KCNK2: variants seen among roughly 807,000 people sequenced by gnomAD.
KCNK2 encodes potassium two pore domain channel subfamily K member 2.
KCNK2 carries 21 observed loss-of-function variants against 40.5 expected under a neutral mutation model. The ratio of observed to expected loss-of-function variants is 0.52; its 90% confidence interval spans 0.37 to 0.75. The LOEUF (loss-of-function observed/expected upper bound fraction) is 0.75, where lower values mean the gene tolerates loss of function less well. KCNK2 is among the 30% of genes least tolerant of loss of function. The pLI is 0.00. For missense variants in KCNK2, 399 were observed against 531.6 expected (o/e 0.75, Z 2.45); for synonymous variants, 191 against 202.2 (o/e 0.94, Z 0.47).
chr1:215,190,131 A>T (rs1417217084), intron 5 of KCNK2, among the ~76,000 whole-genome samples: 1 of 152,182 alleles, frequency 6.6e-6, no homozygotes, highest in African/African-American at 2.4e-5. Context: ...ATATTTTGTT[A>T]TTCAGAAAAA....
chr1:215,066,567 G>T (rs775643817), intron 1 of KCNK2, among the ~76,000 whole-genome samples: 3 of 152,114 alleles, frequency 2.0e-5, no homozygotes, highest in Non-Finnish European at 2.9e-5. Context: ...GCTGTTTTTG[G>T]TGTGGCTCTT....
intron 1 of KCNK2, among the ~76,000 whole-genome samples, chr1:215,014,671 C>T (rs1240844770): frequency 6.6e-6 from 1 of 151,928 alleles, no homozygotes; most frequent in Admixed American, 6.6e-5. Flanking sequence ...ATTAAGAAAC[C>T]ACATCCAGCC....
At chr1:215,179,470 AT>A (rs1664136793) in intron 5 of KCNK2, among the ~76,000 whole-genome samples, 1 of 151,822 alleles carries the variant, frequency 6.6e-6, no homozygotes, top group South Asian at 2.1e-4. Flanking sequence ...TAGATCTTTA[AT>A]TTGAGATCTT....
intron 3 of KCNK2, 102 bp from the exon 4 acceptor site, chr1:215,169,097 A>G (rs754828118): frequency 2.5e-5 from 20 of 802,812 alleles, no homozygotes; most frequent in Non-Finnish European, 3.5e-5. Flanking sequence ...GTCAAAATCA[A>G]TTATTGATAT....
chr1:215,222,942 T>G (rs975710121), intron 6 of KCNK2, among the ~76,000 whole-genome samples: 3 of 152,132 alleles, frequency 2.0e-5, no homozygotes, highest in Non-Finnish European at 2.9e-5. Flanking sequence ...GGGATGTTTT[T>G]AACTCAGCTA....
rs548659450 is a variant in KCNK2 at position 215,069,193 on chromosome 1, C to T, written c.35-17175C>T. Reference sequence around the variant, plus strand: ...ACACCCAGTGTAGCCTTGTGAACACCCCTACTGTCTCCCTTTCTAACTGAA... The same window carrying T: ...ACACCCAGTGTAGCCTTGTGAACACTCCTACTGTCTCCCTTTCTAACTGAA... On this transcript the variant is annotated intron_variant, in intron 1 of 6. Coordinates refer to the KCNK2 transcript ENST00000391895. Among the ~76,000 whole-genome samples the T allele has an allele frequency of 3.3e-5, 5 of 152,142 alleles. No homozygotes were observed. In the East Asian group the frequency reaches 9.7e-4, roughly 29 times the overall value.
intron 5 of KCNK2, among the ~76,000 whole-genome samples, chr1:215,188,413 A>G (rs1205148044): frequency 6.6e-6 from 1 of 152,190 alleles, no homozygotes; most frequent in Non-Finnish European, 1.5e-5. Flanking sequence ...TTAAGGATTC[A>G]GTCTTCTTGG....
intron 6 of KCNK2, among the ~76,000 whole-genome samples, chr1:215,207,595 G>C (rs142632396): frequency 6.6e-6 from 1 of 152,142 alleles, no homozygotes; most frequent in Non-Finnish European, 1.5e-5. Flanking sequence ...ATGTCTGTGA[G>C]TAAACAAGCA....
intron 2 of KCNK2, among the ~76,000 whole-genome samples, chr1:215,095,363 A>G (rs931502886): frequency 6.6e-6 from 1 of 152,120 alleles, no homozygotes. Flanking sequence ...GCAATAATAG[A>G]TACCCAATAA....
intron 1 of KCNK2, among the ~76,000 whole-genome samples, chr1:215,022,882 A>G (rs1656856473): frequency 6.6e-6 from 1 of 152,254 alleles, no homozygotes; most frequent in Non-Finnish European, 1.5e-5. Flanking sequence ...TTTTAAAGTG[A>G]AAGTCAGTGA....
intron 1 of KCNK2, among the ~76,000 whole-genome samples, chr1:215,086,129 GT>G (rs753300969): frequency 1.3e-5 from 2 of 152,030 alleles, no homozygotes; most frequent in Non-Finnish European, 2.9e-5. Flanking sequence ...TTCGACTCCA[GT>G]TTTTTTCCTC....
In KCNK2 at chr1:215,207,262, AG is replaced by A. The variant is rs1381629427; in HGVS notation, c.963+12171del. Among the ~76,000 whole-genome samples the A allele has an allele frequency of 5.3e-5, 8 of 152,286 alleles. No individual in the cohort carries two copies. In the South Asian group the frequency reaches 1.7e-3, roughly 32 times the overall value. ...TACTGCCTGAGCTCTGCCTCCAGTC[AG>A]ATCAGTGGCGGCATTAGATTCTCAT... On this transcript the variant is annotated intron_variant, in intron 6 of 6. Coordinates refer to ENST00000444842, the MANE Select transcript of KCNK2 (RefSeq NM_001017425.3).
At chr1:215,193,098 G>T (rs1664732754) in intron 5 of KCNK2, among the ~76,000 whole-genome samples, 1 of 151,310 alleles carries the variant, frequency 6.6e-6, no homozygotes, top group Non-Finnish European at 1.5e-5. Flanking sequence ...CTACAATAAT[G>T]TTATACTCAG....
chr1:215,117,457 T>G (rs1408429957), intron 2 of KCNK2, among the ~76,000 whole-genome samples: 2 of 152,132 alleles, frequency 1.3e-5, no homozygotes, highest in Non-Finnish European at 2.9e-5. Context: ...CTAGTAACAA[T>G]GTTTTTCCTG....
intron 5 of KCNK2, among the ~76,000 whole-genome samples, chr1:215,184,589 GA>G (rs1664354005): frequency 6.6e-6 from 1 of 152,130 alleles, no homozygotes; most frequent in African/African-American, 2.4e-5. Context: ...AGCAAAAGGG[GA>G]AGCAAACATG....
chr1:215,212,668 G>T (rs1336607939), intron 6 of KCNK2, among the ~76,000 whole-genome samples: 3 of 152,196 alleles, frequency 2.0e-5, no homozygotes, highest in African/African-American at 7.2e-5. Context: ...GATGGATAAT[G>T]CTAAATAATC....
In KCNK2 at chr1:215,204,037, C is replaced by CAAAAAAAAAAAAAA. The variant is rs71167813; in HGVS notation, c.963+8959_963+8972dup. On this transcript the variant is annotated intron_variant, in intron 6 of 6. Coordinates refer to ENST00000444842, the MANE Select transcript of KCNK2 (RefSeq NM_001017425.3). Reference sequence around the variant, plus strand: ...TGGGCGATAGAGCGAGACTCCGTCTCAAAAAAAAAAAAAAAAAAAAAAAAA... The same window carrying CAAAAAAAAAAAAAA: ...TGGGCGATAGAGCGAGACTCCGTCTCAAAAAAAAAAAAAAAAAAAAAAAAAAAAAAAAAAAAAAA... Among the ~76,000 whole-genome samples the CAAAAAAAAAAAAAA allele has an allele frequency of 1.4e-3, 76 of 53,184 alleles. 5 individuals carry two copies. Among genetic ancestry groups the CAAAAAAAAAAAAAA allele is most frequent in the African/African-American group, 8.0e-3 (74 of 9,242 alleles). 34.9% of individuals were successfully genotyped at this position (53,184 alleles called of 152,430 possible).
In KCNK2 at chr1:215,153,676, G is replaced by A. The variant is rs576788338; in HGVS notation, c.476-15523G>A. Among the ~76,000 whole-genome samples the A allele has an allele frequency of 4.0e-5, 6 of 151,374 alleles. 1 individual carries two copies. Among genetic ancestry groups the A allele is most frequent in the African/African-American group, 4.9e-5 (2 of 41,230 alleles). Reference sequence around the variant, plus strand: ...ATACGTGTGCAGAACGTGCAGGTTCGTTACATAGGTATACGTGTGCCATGG... The same window carrying A: ...ATACGTGTGCAGAACGTGCAGGTTCATTACATAGGTATACGTGTGCCATGG... On this transcript the variant is annotated intron_variant, in intron 3 of 6. Coordinates refer to ENST00000444842, the MANE Select transcript of KCNK2 (RefSeq NM_001017425.3).
At chr1:215,103,169 C>G (rs546778860) in intron 2 of KCNK2, among the ~76,000 whole-genome samples, 2 of 151,514 alleles carry the variant, frequency 1.3e-5, no homozygotes, top group Non-Finnish European at 2.9e-5. Flanking sequence ...ATCTCTGGGA[C>G]GATATAGGGA....
Sources: allele counts gnomAD v4.1 joint callset (sites outside exome capture counted in the v4.1 genomes callset), GRCh38; gene constraint gnomAD v4.1.1; transcripts MANE v1.5; gene names NCBI Gene and HGNC (gene_info 2026-07-23, HGNC 2026-07-21).